The following ZNF516 variants were observed in gnomAD, a reference collection of about 807,000 sequenced individuals.
ZNF516 encodes zinc finger protein 516.
In ZNF516, 19 loss-of-function variants were observed where a neutral mutation model predicts 79.7. That is an observed-to-expected ratio of 0.24 (90% CI 0.17 to 0.35). The LOEUF (loss-of-function observed/expected upper bound fraction) is 0.35. Among genes scored for constraint, ZNF516 ranks in the 10% least tolerant of loss-of-function variants. ZNF516 has a pLI of 1.00. For synonymous variants in ZNF516, 877 were observed against 739.5 expected (o/e 1.19, Z -3.02); for missense variants, 1,678 against 1,679.5 (o/e 1.00, Z 0.02).
intron 3 of ZNF516, among the ~76,000 whole-genome samples, chr18:76,422,290 C>T (rs1173867904): frequency 4.6e-5 from 7 of 152,180 alleles, no homozygotes; most frequent in Admixed American, 3.3e-4. Flanking sequence ...GAGAGCGGGC[C>T]GGTCCCTCGG....
chr18:76,471,129 AG>A (rs912500799), intron 1 of ZNF516, among the ~76,000 whole-genome samples: 3 of 152,218 alleles, frequency 2.0e-5, no homozygotes, highest in Non-Finnish European at 4.4e-5. Context: ...AGAAGAAACA[AG>A]AAACACAGAT....
chr18:76,492,609 G>C lies in ZNF516; in HGVS notation c.-272+2535C>G, dbSNP rs1007153558. On this transcript the variant is annotated intron_variant, in intron 1 of 6. Coordinates refer to ENST00000443185, the MANE Select transcript of ZNF516 (RefSeq NM_014643.4). The stretch of plus-strand genomic sequence containing the variant: ...GCAATCCGCGTTCTCAGTTCGCTTT[G>C]CCCGGGCGAGTGGGTTCCATCATCA... 12 of 602,810 alleles carry C rather than the reference G, an allele frequency of 2.0e-5. No individual in the cohort carries two copies. In the African/African-American group the frequency reaches 2.2e-4, roughly 11 times the overall value. 37.3% of individuals were successfully genotyped at this position (602,810 alleles called of 1,614,324 possible). A position where few individuals can be genotyped will look rare whatever the true frequency, so the allele number is the denominator to read the frequency against.
intron 3 of ZNF516, among the ~76,000 whole-genome samples, chr18:76,401,197 C>T (rs2075214759): frequency 6.6e-6 from 1 of 151,512 alleles, no homozygotes; most frequent in African/African-American, 2.4e-5. Flanking sequence ...AATTTGCAAC[C>T]TCCGGCATAA....
intron 1 of ZNF516, chr18:76,487,940 A>G (rs967184500): frequency 4.1e-6 from 4 of 985,284 alleles, no homozygotes; most frequent in Non-Finnish European, 2.4e-6. Flanking sequence ...GAAGAAGGGA[A>G]CAGCTACACT....
At chr18:76,448,847 T>C (rs1255870580) in intron 2 of ZNF516, among the ~76,000 whole-genome samples, 1 of 152,064 alleles carries the variant, frequency 6.6e-6, no homozygotes, top group Non-Finnish European at 1.5e-5. Flanking sequence ...AAGCATACTA[T>C]TATCAAAGCG....
chr18:76,474,281 C>T (rs1914052414), intron 1 of ZNF516, among the ~76,000 whole-genome samples: 1 of 152,184 alleles, frequency 6.6e-6, no homozygotes, highest in Non-Finnish European at 1.5e-5. Context: ...CCACAATTTG[C>T]TATTTTGCTA....
intron 3 of ZNF516, among the ~76,000 whole-genome samples, chr18:76,390,769 C>T (rs778620582): frequency 4.6e-5 from 7 of 152,146 alleles, no homozygotes; most frequent in Admixed American, 2.0e-4. Flanking sequence ...CACCGAGCGG[C>T]GGTGTGATAA....
intron 1 of ZNF516, among the ~76,000 whole-genome samples, chr18:76,489,586 CAAAAAAAA>C (rs5826461): frequency 0.02 from 2,219 of 109,424 alleles, 46 homozygotes; most frequent in African/African-American, 0.063. Flanking sequence ...CAACATCTTA[CAAAAAAAA>C]AAAAAAAAAA....
chr18:76,407,804 C>T (rs1432492270), intron 3 of ZNF516, among the ~76,000 whole-genome samples: 1 of 152,214 alleles, frequency 6.6e-6, no homozygotes. Flanking sequence ...GGCCCATGGG[C>T]TCAGAGCCCC....
At chr18:76,440,886 A>C (rs1441243537) in intron 3 of ZNF516, among the ~76,000 whole-genome samples, 1 of 152,240 alleles carries the variant, frequency 6.6e-6, no homozygotes, top group Non-Finnish European at 1.5e-5. Flanking sequence ...ACAGATGCTC[A>C]GGTGAGACCA....
At chr18:76,460,415 G>C (rs570396785) in intron 2 of ZNF516, among the ~76,000 whole-genome samples, 1 of 152,294 alleles carries the variant, frequency 6.6e-6, no homozygotes, top group East Asian at 1.9e-4. Flanking sequence ...GGAGTTGTCA[G>C]AACATTCCTT....
chr18:76,442,587 G>C lies in ZNF516; in HGVS notation c.468C>G (p.Ser156Arg). 6.3e-7 allele frequency: 1 copy of C among 1,598,098 alleles called. No homozygotes were observed. The highest frequency in any genetic ancestry group is 8.5e-7 in the Non-Finnish European group (1 of 1,179,230). ...ADSGRVLLRS[S>R]KKGAEGSACA... The stretch of plus-strand genomic sequence containing the variant: ...ATGCGGACCCCTCTGCCCCCTTCTT[G>C]CTGCTCCGCAGCAGGACTCTGCCGC... Residue 156 changes from serine (S) to arginine (R), a missense_variant, in exon 3 of 7, where the codon AGC becomes AGG. Transcript: ENST00000443185.
Position 76,493,102 on chromosome 18 carries a change from T to C in ZNF516, c.-272+2042A>G. Reference sequence around the variant, plus strand: ...GACTTCGCAAAGCTGTTTCCTTTTTTTTTTTTCCTCCTCTCCTCCCTACCG... The same window carrying C: ...GACTTCGCAAAGCTGTTTCCTTTTTCTTTTTTCCTCCTCTCCTCCCTACCG... On this transcript the variant is annotated intron_variant, in intron 1 of 6. Transcript: ENST00000443185. This position sits in a 1 kb window ranked among gnomAD's most constrained non-coding sequence, Gnocchi z 5.2. The C allele has an allele frequency of 1.0e-6, 1 of 984,860 alleles. No homozygotes were observed. The highest frequency in any genetic ancestry group is 1.2e-6 in the Non-Finnish European group (1 of 829,740). 61.0% of individuals were successfully genotyped at this position (984,860 alleles called of 1,614,324 possible).
rs1911831303 is a variant in ZNF516 at position 76,443,176 on chromosome 18, T to C, written c.-122A>G. The C allele has an allele frequency of 1.0e-5, 14 of 1,389,046 alleles. No individual in the cohort carries two copies. In the South Asian group the frequency reaches 2.2e-4, roughly 21 times the overall value. 86.0% of individuals were successfully genotyped at this position (1,389,046 alleles called of 1,614,324 possible). On this transcript the variant is annotated 5_prime_UTR_variant, in exon 3 of 7. Transcript: ENST00000443185. ...CGTGCCTGCTCCCAGGAGGTGCACC[T>C]TCTACATGGGGGGCGCAGCAGCTGG...
intron 3 of ZNF516, among the ~76,000 whole-genome samples, chr18:76,439,345 C>G (rs2075784499): frequency 6.6e-6 from 1 of 152,192 alleles, no homozygotes; most frequent in African/African-American, 2.4e-5. Flanking sequence ...CCACATACAC[C>G]TACAGGGCTC....
intron 1 of ZNF516, chr18:76,492,236 T>A (rs1915273055): frequency 1.0e-6 from 1 of 985,444 alleles, no homozygotes; most frequent in Non-Finnish European, 1.2e-6. Flanking sequence ...TACACGGAGA[T>A]GCTGCTCGGC....
chr18:76,425,609 C>T (rs1208110782), intron 3 of ZNF516, among the ~76,000 whole-genome samples: 1 of 152,142 alleles, frequency 6.6e-6, no homozygotes, highest in Non-Finnish European at 1.5e-5. Flanking sequence ...TCAGGAAGAC[C>T]GAAGGAATTC....
At chr18:76,484,496 C>T (rs890489031) in intron 1 of ZNF516, among the ~76,000 whole-genome samples, 5 of 152,168 alleles carry the variant, frequency 3.3e-5, no homozygotes, top group African/African-American at 1.2e-4. Flanking sequence ...ATGGCGGCCG[C>T]CCTAACCCCG....
intron 1 of ZNF516, among the ~76,000 whole-genome samples, chr18:76,494,905 G>C (rs988882454): frequency 1.0e-5 from 1 of 99,690 alleles, no homozygotes; most frequent in Non-Finnish European, 1.9e-5. Flanking sequence ...CCCGCCGCCC[G>C]AAGTTGCATC....
Sources: gnomAD v4.1 joint callset for allele counts (sites outside exome capture counted in the v4.1 genomes callset) on GRCh38, gnomAD v4.1.1 for gene constraint, Gnocchi (gnomAD v3.1) non-coding constraint, MANE v1.5 for transcripts, NCBI Gene and HGNC (gene_info 2026-07-23, HGNC 2026-07-21) for gene names.